Variants in ASB18 observed in about 807,000 individuals in gnomAD.
ASB18 encodes the protein ankyrin repeat and SOCS box containing 18, also known as ankyrin repeat and SOCS box protein 18.
A neutral mutation model predicts 33.4 loss-of-function variants in ASB18; 33 were observed. That is an observed-to-expected ratio of 0.99 (90% CI 0.75 to 1.32). The LOEUF is 1.32. Ranked by LOEUF, ASB18 falls within the 40% of genes most tolerant of loss-of-function variation. The pLI is 0.00. For missense variants in ASB18, 694 were observed against 655.5 expected, an observed-to-expected ratio of 1.06 and a Z score of -0.64; for synonymous variants, 295 against 307.6, an observed-to-expected ratio of 0.96 and a Z score of 0.43.
In ASB18 at chr2:236,200,365, C is replaced by T. The variant is rs748690956; in HGVS notation, c.1102-3980G>A. Among the ~76,000 whole-genome samples, 6 of 151,898 alleles carry T rather than the reference C, an allele frequency of 4.0e-5. No homozygotes were observed. The highest frequency in any genetic ancestry group is 1.2e-4 in the African/African-American group (5 of 41,374). ...CTCCGTCTAAAAAAAAAAGAGATGG[C>T]GAGTTCGATATGGGATCATTCCAGA... On this transcript the variant is annotated intron_variant, in intron 4 of 5. Coordinates refer to ENST00000409749, the MANE Select transcript of ASB18 (RefSeq NM_212556.4). This position sits in a 1 kb window ranked among gnomAD's most constrained non-coding sequence, Gnocchi z 4.2.
rs1252982650 is a variant in ASB18 at position 236,237,800 on chromosome 2, C to T, written c.485G>A (p.Gly162Glu). Residue 162 changes from glycine to glutamate, a missense_variant, in exon 3 of 6, where the codon GGG (glycine) becomes GAG (glutamate). By Grantham distance (98) the Gly-to-Glu change is moderately conservative (BLOSUM62 -2). Coordinates refer to ENST00000409749, the MANE Select transcript of ASB18 (RefSeq NM_212556.4). This position sits in a 1 kb window ranked among gnomAD's most constrained non-coding sequence, Gnocchi z 6.2. ...GRGALHEACL[G>E]GHTACVRLLL... ...CAGGCGGACGCAGGCGGTGTGGCCC[C>T]CGAGGCAGGCCTCGTGCAGGGCGCC... 8 of 1,425,632 alleles carry T rather than the reference C, an allele frequency of 5.6e-6. No homozygotes were observed. The highest frequency in any genetic ancestry group is 6.4e-6 in the Non-Finnish European group (7 of 1,095,026). The allele number at this position is 1,425,632 out of a possible 1,614,324, so 88.3% of individuals were successfully genotyped here.
rs553848912 is a variant in ASB18, at chr2:236,208,202, G to A, written c.1101+6160C>T. Among the ~76,000 whole-genome samples the A allele has an allele frequency of 2.6e-5, 4 of 152,196 alleles. No individual in the cohort carries two copies. The highest frequency in any genetic ancestry group is 4.2e-4 in the South Asian group (2 of 4,812). On this transcript the variant is annotated intron_variant, in intron 4 of 5. Coordinates refer to ENST00000409749, the MANE Select transcript of ASB18 (RefSeq NM_212556.4). The surrounding 1 kb of genome is among the most constrained non-coding windows in gnomAD (Gnocchi z 7.7). ...ACACGGAGAAACCAAGCCACAGAGG[G>A]AGTGCCTGGCAGGAGGCCTGGGGCC...
At position 236,196,359 on chromosome 2, in the gene ASB18, G is replaced by A. The variant is rs202128767; in HGVS notation, c.1128C>T (p.Pro376=). The change falls in exon 5 of 6, where the codon CCC becomes CCT. Residue 376 remains proline, a synonymous_variant. Coordinates refer to ENST00000409749, the MANE Select transcript of ASB18 (RefSeq NM_212556.4). The surrounding 1 kb of genome is among the most constrained non-coding windows in gnomAD (Gnocchi z 5.6). ...AGTTGAAAAGCACCTCGATGACTGC[G>A]GGGACAGATGCACAGGTCTTCAGCA... ...PKVLKTCASV[P]AVIEVLFNSY... 3.3e-5 allele frequency: 51 copies of A among 1,566,220 alleles called. No individual in the cohort carries two copies. The highest frequency in any genetic ancestry group is 3.1e-4 in the African/African-American group (23 of 73,728).
Position 236,238,131 on chromosome 2 carries a change from A to G in ASB18, c.329-175T>C, listed in dbSNP as rs1329760939. 1.3e-5 allele frequency among the ~76,000 whole-genome samples: 2 copies of G among 152,094 alleles called. No homozygotes were observed. Among genetic ancestry groups the G allele is most frequent in the Non-Finnish European group, 2.9e-5 (2 of 68,012 alleles). ...GCACACAGAGACAGAGAGCAGAGAG[A>G]CACACTGGGAAGAGACAGGCGTAGA... On this transcript the variant is annotated intron_variant, in intron 2 of 5. Transcript: ENST00000409749. The surrounding 1 kb of genome is among the most constrained non-coding windows in gnomAD (Gnocchi z 5.2).
Position 236,264,346 on chromosome 2 carries a change from TGTTAC to T in ASB18, c.-6_-2del. On this transcript the variant is annotated 5_prime_UTR_variant, in exon 1 of 6. Coordinates refer to ENST00000409749, the MANE Select transcript of ASB18 (RefSeq NM_212556.4). The surrounding 1 kb of genome is among the most constrained non-coding windows in gnomAD (Gnocchi z 5.1). The stretch of plus-strand genomic sequence containing the variant: ...CGGGAAGGTAATCCGAGTTGGACAT[TGTTAC>T]GTCGTTTCTGCAGTGACCAGCCCTT... 6.2e-7 allele frequency: 1 copy of T among 1,613,882 alleles called. No individual in the cohort carries two copies. Among genetic ancestry groups the T allele is most frequent in the Non-Finnish European group, 8.5e-7 (1 of 1,179,762 alleles).
rs762762814 is a variant in ASB18 at position 236,194,505 on chromosome 2, GCATTGTTATACCT to G, written c.*354_*366del. Among the ~76,000 whole-genome samples the G allele has an allele frequency of 2.6e-5, 4 of 152,162 alleles. No individual in the cohort carries two copies. Among genetic ancestry groups the G allele is most frequent in the African/African-American group, 9.7e-5 (4 of 41,428 alleles). ...ATATCAATTAACCTTGGGAAAACTG[GCATTGTTATACCT>G]CATTTAGCTTAAAGCTGGTTCCCTA... On this transcript the variant is annotated 3_prime_UTR_variant, in exon 6 of 6. Transcript: ENST00000409749. This position sits in a 1 kb window ranked among gnomAD's most constrained non-coding sequence, Gnocchi z 4.5.
chr2:236,201,920 A>ATTT (rs34233524), intron 4 of ASB18, among the ~76,000 whole-genome samples: 67 of 150,100 alleles, frequency 4.5e-4, no homozygotes, highest in African/African-American at 1.4e-3. Context: ...ATAAAAGTAC[A>ATTT]TTTTTTTTTG....
rs144179197 is a variant in ASB18 at position 236,229,285 on chromosome 2, G to A, written c.596+8404C>T. On this transcript the variant is annotated intron_variant, in intron 3 of 5. Transcript: ENST00000409749. The surrounding 1 kb of genome is among the most constrained non-coding windows in gnomAD (Gnocchi z 5.2). The stretch of plus-strand genomic sequence containing the variant: ...TTGGAGATAAAAATATAGTGGATAA[G>A]GTTCATGGCAGATCAGGTATTTCAG... Among the ~76,000 whole-genome samples the A allele has an allele frequency of 6.6e-6, 1 of 152,096 alleles. No homozygotes were observed. The highest frequency in any genetic ancestry group is 1.5e-5 in the Non-Finnish European group (1 of 68,030).
In ASB18 at chr2:236,222,200, CT is replaced by C. The variant is rs1193060393; in HGVS notation, c.597-7335del. On this transcript the variant is annotated intron_variant, in intron 3 of 5. Coordinates refer to ENST00000409749, the MANE Select transcript of ASB18 (RefSeq NM_212556.4). The surrounding 1 kb of genome is among the most constrained non-coding windows in gnomAD (Gnocchi z 5.5). The stretch of plus-strand genomic sequence containing the variant: ...TCCTTTGGGGATCTTCCATCTACCC[CT>C]TTCTGTTCTGCATTTTCTTTTCTCT... Among the ~76,000 whole-genome samples, 1 of 152,154 alleles carries C rather than the reference CT, an allele frequency of 6.6e-6. No individual in the cohort carries two copies. Among genetic ancestry groups the C allele is most frequent in the East Asian group, 1.9e-4 (1 of 5,192 alleles).
chr2:236,195,828 C>G lies in ASB18; in HGVS notation c.1215+444G>C, dbSNP rs1329741735. ...ACCGCACCTGGCCTGTTCTCACTCT[C>G]TTTTAATGGACAGTCACCTGTGGAC... On this transcript the variant is annotated intron_variant, in intron 5 of 5. Coordinates refer to ENST00000409749, the MANE Select transcript of ASB18 (RefSeq NM_212556.4). This position sits in a 1 kb window ranked among gnomAD's most constrained non-coding sequence, Gnocchi z 5.5. Among the ~76,000 whole-genome samples the G allele has an allele frequency of 6.6e-6, 1 of 152,176 alleles. No homozygotes were observed. The highest frequency in any genetic ancestry group is 1.5e-5 in the Non-Finnish European group (1 of 68,036).
At position 236,237,939 on chromosome 2, in the gene ASB18, A is replaced by T. The variant is rs1475398442; in HGVS notation, c.346T>A (p.Tyr116Asn). 21 of 1,504,018 alleles carry T rather than the reference A, an allele frequency of 1.4e-5. No homozygotes were observed. The South Asian group carries it at 1.9e-4, about 14-fold the overall frequency. The allele number at this position is 1,504,018 out of a possible 1,614,324, so 93.2% of individuals were successfully genotyped here. ...AGGGGCGTGGTGAGCTCACGCTTGTACTCCAGGGTCCAGAGGCCTGCGGGG... is the reference window on the plus strand; with the variant it reads ...AGGGGCGTGGTGAGCTCACGCTTGTTCTCCAGGGTCCAGAGGCCTGCGGGG... ...FGLSGLWTLE[Y>N]KRELTTPLCI... The change falls in exon 3 of 6, where the codon TAC becomes AAC. Residue 116 changes from tyrosine (Y) to asparagine (N), a missense_variant. By Grantham distance (143) the Tyr-to-Asn change is moderately radical. Transcript: ENST00000409749. This position sits in a 1 kb window ranked among gnomAD's most constrained non-coding sequence, Gnocchi z 6.2.
chr2:236,245,162 T>C lies in ASB18; in HGVS notation c.206-3760A>G, dbSNP rs1299625168. Among the ~76,000 whole-genome samples the C allele has an allele frequency of 6.6e-6, 1 of 152,206 alleles. No homozygotes were observed. Among genetic ancestry groups the C allele is most frequent in the African/African-American group, 2.4e-5 (1 of 41,470 alleles). On this transcript the variant is annotated intron_variant, in intron 1 of 5. Transcript: ENST00000409749. This position sits in a 1 kb window ranked among gnomAD's most constrained non-coding sequence, Gnocchi z 4.7. ...CCGTAGGTTTATTTTTTACCATGTT[T>C]ATCTGACCTCTGGGCAAAGGCTCAG...
In ASB18 at chr2:236,237,059, C is replaced by G. The variant is rs911048813; in HGVS notation, c.596+630G>C. Among the ~76,000 whole-genome samples the G allele has an allele frequency of 1.4e-4, 22 of 152,128 alleles. No individual in the cohort carries two copies. The highest frequency in any genetic ancestry group is 3.9e-4 in the African/African-American group (16 of 41,538). On this transcript the variant is annotated intron_variant, in intron 3 of 5. Transcript: ENST00000409749. This position sits in a 1 kb window ranked among gnomAD's most constrained non-coding sequence, Gnocchi z 6.2. ...GACCCCCAGACCCCGCGCCCGGGCG[C>G]GAACTAGCTGAGCGGCCGCTGGGCC...
rs143571940 is a variant in ASB18 at position 236,222,038 on chromosome 2, C to T, written c.597-7172G>A. On this transcript the variant is annotated intron_variant, in intron 3 of 5. Coordinates refer to ENST00000409749, the MANE Select transcript of ASB18 (RefSeq NM_212556.4). The surrounding 1 kb of genome is among the most constrained non-coding windows in gnomAD (Gnocchi z 5.5). ...AGGAAAACAGAGCCGTGTTTTCTAA[C>T]GAAGCTGCTGCAGGAAGGTTTCCTC... Among the ~76,000 whole-genome samples the T allele has an allele frequency of 4.3e-4, 66 of 152,182 alleles. No homozygotes were observed. Among genetic ancestry groups the T allele is most frequent in the African/African-American group, 1.3e-3 (56 of 41,536 alleles).
intron 3 of ASB18, among the ~76,000 whole-genome samples, chr2:236,236,268 C>T (rs1014404026): frequency 3.9e-5 from 6 of 151,962 alleles, no homozygotes; most frequent in Non-Finnish European, 7.4e-5. Context: ...TTATGTCGAG[C>T]GAGAGAAGCC....
rs557983805 is a variant in ASB18, at chr2:236,238,670, A to G, written c.329-714T>C. ...TTGAGGGATGAATGGAGCAGGTGCT[A>G]TACATTTTTACTTCTCTGAAAACTT... On this transcript the variant is annotated intron_variant, in intron 2 of 5. Coordinates refer to ENST00000409749, the MANE Select transcript of ASB18 (RefSeq NM_212556.4). The surrounding 1 kb of genome is among the most constrained non-coding windows in gnomAD (Gnocchi z 5.2). Among the ~76,000 whole-genome samples the G allele has an allele frequency of 1.3e-5, 2 of 151,906 alleles. No homozygotes were observed. The highest frequency in any genetic ancestry group is 2.9e-5 in the Non-Finnish European group (2 of 67,966).
rs1358116177 is a variant in ASB18 at position 236,196,525 on chromosome 2, A to C, written c.1102-140T>G. On this transcript the variant is annotated intron_variant, in intron 4 of 5. Transcript: ENST00000409749. The surrounding 1 kb of genome is among the most constrained non-coding windows in gnomAD (Gnocchi z 5.6). ...CAAGCCACACAGGGAACAGCAACAG[A>C]GCAGTACCACAGGGTTGCTGCAGGG... is the stretch of plus-strand genomic sequence containing the variant. The C allele has an allele frequency of 1.6e-6, 1 of 630,156 alleles. No individual in the cohort carries two copies. The highest frequency in any genetic ancestry group is 2.7e-5 in the Admixed American group (1 of 37,310). 39.0% of individuals were successfully genotyped at this position (630,156 alleles called of 1,614,324 possible). A position where few individuals can be genotyped will look rare whatever the true frequency, so the allele number is the denominator to read the frequency against.
At chr2:236,198,962 G>T (rs2106262307) in intron 4 of ASB18, among the ~76,000 whole-genome samples, 1 of 152,180 alleles carries the variant, frequency 6.6e-6, no homozygotes, top group South Asian at 2.1e-4. Context: ...ACTTTAATAG[G>T]ATTGTCTCTA....
rs1417526786 is a variant in ASB18, at chr2:236,249,965, T to C, written c.206-8563A>G. 8.5e-5 allele frequency: 13 copies of C among 152,226 alleles called. No homozygotes were observed. Among genetic ancestry groups the C allele is most frequent in the Non-Finnish European group, 1.3e-4 (9 of 68,054 alleles). The allele number at this position is 152,226 out of a possible 1,614,324, so 9.4% of individuals were successfully genotyped here. On this transcript the variant is annotated intron_variant, in intron 1 of 5. Coordinates refer to ENST00000409749, the MANE Select transcript of ASB18 (RefSeq NM_212556.4). This position sits in a 1 kb window ranked among gnomAD's most constrained non-coding sequence, Gnocchi z 4.6. Reference sequence around the variant, plus strand: ...GCAGGAGACACAAACATGAGTTCTTTATAATTGAGTCCTATAGTGGAGACA... The same window carrying C: ...GCAGGAGACACAAACATGAGTTCTTCATAATTGAGTCCTATAGTGGAGACA...
Sources: allele counts gnomAD v4.1 joint callset (sites outside exome capture counted in the v4.1 genomes callset), GRCh38; gene constraint gnomAD v4.1.1; non-coding constraint Gnocchi (gnomAD v3.1); transcripts MANE v1.5; gene names NCBI Gene and HGNC (gene_info 2026-07-23, HGNC 2026-07-21).